The following SHANK2 variants were observed in gnomAD, a reference collection of about 807,000 sequenced individuals.
SHANK2 encodes the protein SH3 and multiple ankyrin repeat domains protein 2.
A neutral mutation model predicts 133.7 loss-of-function variants in SHANK2; 43 were observed. The observed-to-expected ratio is 0.32, with a 90% CI of 0.25 to 0.41. The LOEUF (loss-of-function observed/expected upper bound fraction) is 0.41, where lower values mean the gene tolerates loss of function less well. SHANK2 is among the 10% of genes least tolerant of loss of function. The pLI, the probability that SHANK2 is intolerant of heterozygous loss-of-function variation, is 1.00. For synonymous variants in SHANK2, 1,017 were observed against 952.8 expected (o/e 1.07, Z -1.24); for missense variants, 1,994 against 2,235.8 (o/e 0.89, Z 2.18).
At chr11:71,236,991 G>A (rs1374235302) in intron 1 of SHANK2, among the ~76,000 whole-genome samples, 2 of 152,258 alleles carry the variant, frequency 1.3e-5, no homozygotes, top group Non-Finnish European at 2.9e-5. Context: ...CTGGGAGGCT[G>A]TCACAGTAAT....
intron 17 of SHANK2, among the ~76,000 whole-genome samples, chr11:70,564,710 G>C (rs565143422): frequency 2.6e-5 from 4 of 151,994 alleles, no homozygotes; most frequent in Non-Finnish European, 5.9e-5. Flanking sequence ...TTTCACTCAG[G>C]ATAGTTTCTA....
chr11:71,092,550 T>C lies in SHANK2; in HGVS notation c.784A>G (p.Ser262Gly). 1 of 1,551,880 alleles carries C rather than the reference T, an allele frequency of 6.4e-7. No individual in the cohort carries two copies. Among genetic ancestry groups the C allele is most frequent in the Non-Finnish European group, 8.7e-7 (1 of 1,147,050 alleles). ...ELGASPDYKD[S>G]YGLTPLYHTA... Reference sequence around the variant, plus strand: ...TGATACAGCGGGGTGAGGCCGTAACTGTCTTTATAATCTGGGGATGCACCA... The same window carrying C: ...TGATACAGCGGGGTGAGGCCGTAACCGTCTTTATAATCTGGGGATGCACCA... The change falls in exon 8 of 26, where the codon AGT becomes GGT. Residue 262 changes from serine (S) to glycine (G), a missense_variant. By Grantham distance (56) the Ser-to-Gly change is moderately conservative. This residue lies in a region of SHANK2 where 653 missense variants were observed against 563.4 expected (regional missense o/e 1.16). Coordinates refer to ENST00000601538, the MANE Select transcript of SHANK2 (RefSeq NM_012309.5).
At position 71,175,591 on chromosome 11, in the gene SHANK2, A is replaced by G. The variant is rs1555113005; in HGVS notation, c.-12-28253T>C. Among the ~76,000 whole-genome samples the G allele has an allele frequency of 6.6e-6, 1 of 150,710 alleles. No homozygotes were observed. Among genetic ancestry groups the G allele is most frequent in the East Asian group, 1.9e-4 (1 of 5,160 alleles). ...GAGAGAGAGAGAGAGAGAGAGAGAG[A>G]GAGAGAGAGAGACAGAGACAGAGAC... is the stretch of plus-strand genomic sequence containing the variant. On this transcript the variant is annotated intron_variant, in intron 2 of 25. Transcript: ENST00000601538. This position sits in a 1 kb window ranked among gnomAD's most constrained non-coding sequence, Gnocchi z 4.2.
At chr11:70,661,565 A>G in intron 16 of SHANK2, 31 bp downstream of exon 16, 2 of 1,550,372 alleles carry the variant, frequency 1.3e-6, no homozygotes, top group Non-Finnish European at 1.8e-6. Context: ...AAACATGGGA[A>G]CATATTCAGG....
chr11:70,903,725 T>C (rs1028608648), intron 10 of SHANK2, among the ~76,000 whole-genome samples: 1 of 152,202 alleles, frequency 6.6e-6, no homozygotes, highest in Admixed American at 6.5e-5. Flanking sequence ...CCCTGTTGTC[T>C]CTTCTGCCAC....
At chr11:70,693,968 A>C (rs1271765736) in intron 15 of SHANK2, among the ~76,000 whole-genome samples, 1 of 152,134 alleles carries the variant, frequency 6.6e-6, no homozygotes, top group Non-Finnish European at 1.5e-5. Context: ...TAAATGGCTG[A>C]GTGAGTGGAT....
intron 17 of SHANK2, among the ~76,000 whole-genome samples, chr11:70,613,763 G>GTTTTTTTTTTTTTTTTTTTTTTTTTTT (rs57180024): frequency 3.2e-5 from 4 of 123,776 alleles, no homozygotes; most frequent in African/African-American, 3.1e-5. Flanking sequence ...AGGGGAACTT[G>GTTTTTTTTTTTTTTTTTTTTTTTTTTT]TTTTTTTTTT....
intron 11 of SHANK2, among the ~76,000 whole-genome samples, chr11:70,886,331 C>G (rs1161662732): frequency 4.6e-5 from 7 of 152,318 alleles, no homozygotes; most frequent in African/African-American, 1.7e-4. Context: ...CTGCAGAACG[C>G]TAAGTAAAAA....
chr11:70,511,698 C>T (rs565376667), intron 17 of SHANK2, among the ~76,000 whole-genome samples: 1 of 152,312 alleles, frequency 6.6e-6, no homozygotes, highest in East Asian at 1.9e-4. Context: ...CCTGTCCATG[C>T]ATCACCCTTA....
intron 2 of SHANK2, among the ~76,000 whole-genome samples, chr11:71,210,477 C>A (rs1324991415): frequency 1.3e-5 from 2 of 151,612 alleles, no homozygotes; most frequent in East Asian, 3.9e-4. Context: ...TCTCAAATCT[C>A]CTGACCTTGC....
At chr11:70,601,006 G>A (rs1222473689) in intron 17 of SHANK2, among the ~76,000 whole-genome samples, 6 of 141,816 alleles carry the variant, frequency 4.2e-5, no homozygotes, top group African/African-American at 1.6e-4. Flanking sequence ...CTAAAGATTA[G>A]TAAAGAGAAT....
At chr11:70,952,643 C>T (rs1247425411) in intron 10 of SHANK2, 4 of 269,920 alleles carry the variant, frequency 1.5e-5, no homozygotes, top group Non-Finnish European at 3.3e-5. Flanking sequence ...TGGTGGCAAA[C>T]AGCAGAGACG....
chr11:71,139,017 T>C (rs1555105300), intron 3 of SHANK2, among the ~76,000 whole-genome samples: 3 of 152,018 alleles, frequency 2.0e-5, no homozygotes, highest in East Asian at 1.9e-4. Context: ...TGAGTGACAA[T>C]GCATGGTCTT....
intron 10 of SHANK2, chr11:70,907,931 T>A (rs1461499945): frequency 4.4e-6 from 2 of 451,050 alleles, no homozygotes; most frequent in African/African-American, 4.0e-5. Context: ...GCAAAACCCA[T>A]CTCCACCAAA....
rs564869011 is a variant in SHANK2, at chr11:71,251,383, C to G, written c.-113+1042G>C. Among the ~76,000 whole-genome samples, 55 of 152,250 alleles carry G rather than the reference C, an allele frequency of 3.6e-4. No individual in the cohort carries two copies. In the South Asian group the frequency reaches 0.011, roughly 32 times the overall value. On this transcript the variant is annotated intron_variant, in intron 1 of 25. Coordinates refer to ENST00000601538, the MANE Select transcript of SHANK2 (RefSeq NM_012309.5). The stretch of plus-strand genomic sequence containing the variant: ...CCCAGCCCCCGCATCCCCCCGAACC[C>G]GGGCGGCGAGGCCCGCTGCGGTGGT...
At chr11:70,874,566 A>G (rs781828836) in intron 11 of SHANK2, among the ~76,000 whole-genome samples, 2 of 151,724 alleles carry the variant, frequency 1.3e-5, no homozygotes, top group African/African-American at 2.4e-5. Flanking sequence ...TTTGTGCATC[A>G]GTTTTAAAAC....
intron 11 of SHANK2, among the ~76,000 whole-genome samples, chr11:70,843,076 A>G (rs1555062196): frequency 6.6e-6 from 1 of 152,136 alleles, no homozygotes; most frequent in Non-Finnish European, 1.5e-5. Context: ...GGACTCTCAC[A>G]GCATGTGGAA....
intron 14 of SHANK2, among the ~76,000 whole-genome samples, chr11:70,709,388 C>A (rs1215882401): frequency 6.6e-6 from 1 of 152,218 alleles, no homozygotes; most frequent in South Asian, 2.1e-4. Context: ...CATGGCAGGA[C>A]CTTAGCTAAT....
chr11:70,495,534 G>A (rs111366151), intron 21 of SHANK2, among the ~76,000 whole-genome samples: 1 of 152,326 alleles, frequency 6.6e-6, no homozygotes, highest in African/African-American at 2.4e-5. Context: ...GGCCCCCAGA[G>A]TATTTTTCTC....
Sources: gnomAD v4.1 joint callset for allele counts (sites outside exome capture counted in the v4.1 genomes callset) on GRCh38, gnomAD v4.1.1 for gene constraint, gnomAD v4.1.1 regional missense constraint, Gnocchi (gnomAD v3.1) non-coding constraint, MANE v1.5 for transcripts, NCBI Gene and HGNC (gene_info 2026-07-23, HGNC 2026-07-21) for gene names.